SPATA6: variants seen among roughly 807,000 people sequenced by gnomAD.
SPATA6 encodes spermatogenesis-associated protein 6.
Under a neutral mutation model 65.3 loss-of-function variants are expected in SPATA6, and 56 were observed. That is an observed-to-expected ratio of 0.86 (90% CI 0.69 to 1.07). SPATA6 has a LOEUF of 1.07. SPATA6 is among the 50% of genes least tolerant of loss of function. The probability of loss-of-function intolerance (pLI) is 0.00; values close to 1 mark genes in which losing one functional copy is unlikely to be tolerated. For synonymous variants in SPATA6, 199 were observed against 213.2 expected (o/e 0.93, Z 0.58); for missense variants, 590 against 594.8 (o/e 0.99, Z 0.08).
Position 48,298,657 on chromosome 1 carries a change from A to G in SPATA6, c.*56T>C. ...AAGGAATACAGATATTGATCACATC[A>G]AACATTTTCATTGAGAAATTGACAC... On this transcript the variant is annotated 3_prime_UTR_variant, in exon 13 of 13. Coordinates refer to ENST00000371847, the MANE Select transcript of SPATA6 (RefSeq NM_019073.4). 1 of 1,519,532 alleles carries G rather than the reference A, an allele frequency of 6.6e-7. No individual in the cohort carries two copies. Among genetic ancestry groups the G allele is most frequent in the Non-Finnish European group, 8.9e-7 (1 of 1,124,738 alleles). 94.1% of individuals were successfully genotyped at this position (1,519,532 alleles called of 1,614,324 possible).
Position 48,430,884 on chromosome 1 carries a change from T to C in SPATA6, c.239-17733A>G, listed in dbSNP as rs183840017. ...TGAGTGACAAAAAAGTTGTAAGGCA[T>C]ATAGAAAACCAATAGCAAAATGAAA... On this transcript the variant is annotated intron_variant, in intron 3 of 12. Transcript: ENST00000371847. Among the ~76,000 whole-genome samples, 237 of 152,256 alleles carry C rather than the reference T, an allele frequency of 1.6e-3. 2 individuals are homozygous for C. The highest frequency in any genetic ancestry group is 0.013 in the Admixed American group (196 of 15,302).
intron 9 of SPATA6, among the ~76,000 whole-genome samples, chr1:48,376,064 T>G (rs1438704999): frequency 6.6e-6 from 1 of 152,194 alleles, no homozygotes; most frequent in Non-Finnish European, 1.5e-5. Context: ...TCAGATGCCT[T>G]CACATTCTAA....
intron 11 of SPATA6, among the ~76,000 whole-genome samples, chr1:48,319,110 A>G (rs998429908): frequency 1.3e-5 from 2 of 152,298 alleles, no homozygotes; most frequent in South Asian, 2.1e-4. Flanking sequence ...AAATACAAAA[A>G]TCAACTCAAA....
At chr1:48,423,564 CTTTTT>C (rs781669150) in intron 3 of SPATA6, among the ~76,000 whole-genome samples, 1 of 121,058 alleles carries the variant, frequency 8.3e-6, no homozygotes, top group African/African-American at 3.4e-5. Flanking sequence ...TTCTTTCTTT[CTTTTT>C]TTTTTTTTTT....
intron 3 of SPATA6, among the ~76,000 whole-genome samples, chr1:48,443,076 C>T (rs1185831716): frequency 1.3e-5 from 2 of 152,212 alleles, no homozygotes; most frequent in Non-Finnish European, 2.9e-5. Flanking sequence ...AGGAAGCAGA[C>T]TTAGGAAAAT....
At chr1:48,355,043 C>A (rs1450753595) in intron 11 of SPATA6, among the ~76,000 whole-genome samples, 1 of 151,972 alleles carries the variant, frequency 6.6e-6, no homozygotes, top group Non-Finnish European at 1.5e-5. Context: ...GTCCAGCACA[C>A]ATTGATGATA....
chr1:48,301,549 A>C (rs78218949), intron 12 of SPATA6, among the ~76,000 whole-genome samples: 21 of 150,620 alleles, frequency 1.4e-4, no homozygotes, highest in Non-Finnish European at 2.5e-4. Context: ...ACACACACAA[A>C]AAAAAAAACT....
intron 1 of SPATA6, among the ~76,000 whole-genome samples, chr1:48,453,923 A>G (rs1253064382): frequency 6.6e-6 from 1 of 152,076 alleles, no homozygotes; most frequent in Admixed American, 6.5e-5. Context: ...ATTGGTCATA[A>G]TTAACCAAAA....
the SPATA6 span, among the ~76,000 whole-genome samples, chr1:48,274,694 T>C: frequency 6.6e-6 from 1 of 152,314 alleles, no homozygotes; most frequent in Admixed American, 6.5e-5. Flanking sequence ...GTTCCATTGG[T>C]CTATATATCT....
intron 1 of SPATA6, among the ~76,000 whole-genome samples, chr1:48,470,601 G>C (rs868352250): frequency 6.6e-6 from 1 of 152,058 alleles, no homozygotes; most frequent in African/African-American, 2.4e-5. Flanking sequence ...TCTGCCCCAC[G>C]CACACTTGCC....
intron 11 of SPATA6, among the ~76,000 whole-genome samples, chr1:48,343,607 C>A (rs1336798126): frequency 6.6e-6 from 1 of 152,088 alleles, no homozygotes; most frequent in Non-Finnish European, 1.5e-5. Flanking sequence ...ATGAAAGACA[C>A]AATATGACTT....
At chr1:48,369,737 G>A (rs1647173585) in intron 9 of SPATA6, among the ~76,000 whole-genome samples, 1 of 152,222 alleles carries the variant, frequency 6.6e-6, no homozygotes, top group Non-Finnish European at 1.5e-5. Flanking sequence ...CCCGAGTGAG[G>A]CAATGCCTCG....
intron 3 of SPATA6, chr1:48,437,211 C>A: frequency 6.2e-7 from 1 of 1,612,366 alleles, no homozygotes; most frequent in Non-Finnish European, 8.5e-7. Context: ...AAGACTCATA[C>A]TTGGAATTCT....
intron 2 of SPATA6, among the ~76,000 whole-genome samples, chr1:48,451,989 C>A (rs1454026390): frequency 6.6e-6 from 1 of 152,152 alleles, no homozygotes; most frequent in Non-Finnish European, 1.5e-5. Context: ...AATGTTATTG[C>A]CTTCTCTGAC....
At chr1:48,345,395 G>A (rs1201046998) in intron 11 of SPATA6, among the ~76,000 whole-genome samples, 1 of 152,014 alleles carries the variant, frequency 6.6e-6, no homozygotes, top group Non-Finnish European at 1.5e-5. Context: ...AAGTTAGAAA[G>A]ATCTCAAATT....
intron 9 of SPATA6, among the ~76,000 whole-genome samples, chr1:48,360,890 G>T (rs1646793525): frequency 6.6e-6 from 1 of 152,162 alleles, no homozygotes. Flanking sequence ...TGGTCTCGAT[G>T]TCAAAGATGA....
intron 5 of SPATA6, among the ~76,000 whole-genome samples, chr1:48,406,279 T>C (rs1314816082): frequency 6.6e-6 from 1 of 152,152 alleles, no homozygotes; most frequent in Non-Finnish European, 1.5e-5. Flanking sequence ...CCTCAGATTT[T>C]CCTCTTCAGG....
chr1:48,275,952 C>T, the SPATA6 span, among the ~76,000 whole-genome samples: 1 of 151,906 alleles, frequency 6.6e-6, no homozygotes, highest in Non-Finnish European at 1.5e-5. Flanking sequence ...AGCTGTGAAT[C>T]AGTCTGGTCC....
At position 48,385,341 on chromosome 1, in the gene SPATA6, G is replaced by A. The variant is rs200474406; in HGVS notation, c.877C>T (p.His293Tyr). 33 of 1,608,490 alleles carry A rather than the reference G, an allele frequency of 2.1e-5. No individual in the cohort carries two copies. Among genetic ancestry groups the A allele is most frequent in the Non-Finnish European group, 2.8e-5 (33 of 1,178,162 alleles). The change falls in exon 9 of 13, where the codon CAT (histidine) becomes TAT (tyrosine). Residue 293 changes from histidine (H) to tyrosine (Y), a missense_variant. Coordinates refer to ENST00000371847, the MANE Select transcript of SPATA6 (RefSeq NM_019073.4). ...GWSRVHNDHS[H>Y]LGCCRPKDYK... The stretch of plus-strand genomic sequence containing the variant: ...TCCTTGGGTCGGCAGCAGCCAAGAT[G>A]AGAATGATCTGAAAAAGGAAGTACA...
Sources: allele counts gnomAD v4.1 joint callset (sites outside exome capture counted in the v4.1 genomes callset), GRCh38; gene constraint gnomAD v4.1.1; transcripts MANE v1.5; gene names NCBI Gene and HGNC (gene_info 2026-07-23, HGNC 2026-07-21).